UBA6: variants seen among roughly 807,000 people sequenced by gnomAD.
UBA6 encodes the protein ubiquitin like modifier activating enzyme 6.
UBA6 carries 87 observed loss-of-function variants against 148.3 expected under a neutral mutation model. The observed-to-expected ratio is 0.59, with a 90% CI of 0.49 to 0.70. UBA6 has a LOEUF of 0.70. Among genes scored for constraint, UBA6 ranks in the 30% least tolerant of loss-of-function variants. UBA6 has a pLI of 0.00. For missense variants in UBA6, 1,186 were observed against 1,241.2 expected (o/e 0.96, Z 0.67); for synonymous variants, 376 against 401.0 (o/e 0.94, Z 0.75).
intron 22 of UBA6, 143 bp from the exon 23 acceptor site, chr4:67,633,616 CCTT>C (rs1227190328): frequency 1.6e-6 from 1 of 640,870 alleles, no homozygotes; most frequent in Non-Finnish European, 2.4e-6. Context: ...CTTTTCCCTT[CCTT>C]CTTCTTTAAC....
At chr4:67,633,581 G>A (rs1279805047) in intron 22 of UBA6, 108 bp from the exon 23 acceptor site, 2 of 971,670 alleles carry the variant, frequency 2.1e-6, no homozygotes, top group Non-Finnish European at 2.8e-6. Flanking sequence ...TGTGTTTTAT[G>A]CTTTTCTTTT....
intron 19 of UBA6, among the ~76,000 whole-genome samples, chr4:67,637,433 T>A (rs938505298): frequency 6.6e-6 from 1 of 151,366 alleles, no homozygotes; most frequent in Non-Finnish European, 1.5e-5. Context: ...GTCTGGGAGG[T>A]GTACCCAACA....
At chr4:67,691,106 A>G (rs1730683790) in intron 2 of UBA6, among the ~76,000 whole-genome samples, 1 of 152,152 alleles carries the variant, frequency 6.6e-6, no homozygotes, top group South Asian at 2.1e-4. Context: ...TTCAATAAAT[A>G]TACTGAAAAT....
At chr4:67,621,640 TA>T (rs1389284104) in intron 32 of UBA6, among the ~76,000 whole-genome samples, 1 of 151,984 alleles carries the variant, frequency 6.6e-6, no homozygotes, top group African/African-American at 2.4e-5. Flanking sequence ...CCGTCTCTAC[TA>T]AAAATACAAA....
chr4:67,642,513 C>A (rs11131716), intron 17 of UBA6, among the ~76,000 whole-genome samples: 34,856 of 151,914 alleles, frequency 0.23, 4,153 homozygotes, highest in Middle Eastern at 0.3. Flanking sequence ...ACCCTTTACA[C>A]ACTGCCCACA....
In UBA6 at chr4:67,626,477, C is replaced by A; in HGVS notation, c.2401G>T (p.Val801Phe). The A allele has an allele frequency of 6.4e-7, 1 of 1,570,630 alleles. No homozygotes were observed. Among genetic ancestry groups the A allele is most frequent in the South Asian group, 1.1e-5 (1 of 87,518 alleles). ...KIQEFKPSNK[V>F]VQTDETARKP... ...CTTGCAGTTTCATCTGTTTGAACAA[C>A]CTTTGAATATATGAATATATTTTTA... The change falls in exon 28 of 33, where the codon GTT becomes TTT. Residue 801 changes from valine (V) to phenylalanine (F), a missense_variant and splice_region_variant. Physicochemically the swap from Val to Phe is conservative, Grantham distance 50 (BLOSUM62 -1). Transcript: ENST00000322244.
chr4:67,694,284 T>TAAAAAA (rs1560504401), intron 2 of UBA6, among the ~76,000 whole-genome samples: 1 of 129,832 alleles, frequency 7.7e-6, no homozygotes, highest in Non-Finnish European at 1.6e-5. Context: ...ATTCAGTCAC[T>TAAAAAA]ATAAAAAAAA....
chr4:67,650,397 T>C (rs1463075705), intron 13 of UBA6, among the ~76,000 whole-genome samples: 1 of 152,150 alleles, frequency 6.6e-6, no homozygotes, highest in Non-Finnish European at 1.5e-5. Context: ...TTCTCAGCAT[T>C]AGGTTATGCA....
Position 67,663,040 on chromosome 4 carries a change from A to G in UBA6, c.1037+99T>C, listed in dbSNP as rs1452600277. 8 of 757,662 alleles carry G rather than the reference A, an allele frequency of 1.1e-5. No individual in the cohort carries two copies. In the East Asian group the frequency reaches 1.7e-4, roughly 16 times the overall value. 46.9% of individuals were successfully genotyped at this position (757,662 alleles called of 1,614,324 possible). ...TGCACAGCTTGGTATATCTATTGGT[A>G]TTGTAATTACAAAGGGCATAGTTAC... On this transcript the variant is annotated intron_variant, in intron 12 of 32. Transcript: ENST00000322244.
intron 1 of UBA6, among the ~76,000 whole-genome samples, chr4:67,699,557 CCT>C (rs1009752857): frequency 2.2e-5 from 2 of 90,456 alleles, no homozygotes; most frequent in Non-Finnish European, 5.3e-5. Context: ...CACAATATAC[CCT>C]GTTTGGGCAT....
chr4:67,657,389 A>ATGTG (rs1321526227), intron 13 of UBA6, among the ~76,000 whole-genome samples: 3 of 152,142 alleles, frequency 2.0e-5, no homozygotes, highest in Non-Finnish European at 4.4e-5. Flanking sequence ...CACATCTACA[A>ATGTG]CCATCTGATC....
intron 2 of UBA6, among the ~76,000 whole-genome samples, chr4:67,685,827 A>T (rs1730543835): frequency 6.6e-6 from 1 of 152,144 alleles, no homozygotes; most frequent in African/African-American, 2.4e-5. Flanking sequence ...GGGACGATGC[A>T]GTAATAAGCC....
At chr4:67,637,905 C>T (rs1190480553) in intron 19 of UBA6, among the ~76,000 whole-genome samples, 1 of 149,984 alleles carries the variant, frequency 6.7e-6, no homozygotes, top group Admixed American at 6.7e-5. Context: ...GCCAAATCCC[C>T]CTATGCGAGA....
chr4:67,698,052 T>A (rs1028782557), intron 1 of UBA6, among the ~76,000 whole-genome samples: 1 of 152,232 alleles, frequency 6.6e-6, no homozygotes, highest in South Asian at 2.1e-4. Flanking sequence ...CTGACTTGTT[T>A]GCTGTTTCGC....
rs556648769 is a variant in UBA6 at position 67,693,328 on chromosome 4, C to CTG, written c.134+3315_134+3316dup. Among the ~76,000 whole-genome samples the CTG allele has an allele frequency of 2.1e-3, 302 of 142,420 alleles. 2 individuals are homozygous for CTG. The highest frequency in any genetic ancestry group is 6.7e-3 in the African/African-American group (263 of 39,306). The allele number at this position is 142,420 out of a possible 152,430, so 93.4% of individuals were successfully genotyped here. The stretch of plus-strand genomic sequence containing the variant: ...TCTAGCTTACTTTATTCTAAGAATA[C>CTG]TGTGTATATATATATATACAGTATA... On this transcript the variant is annotated intron_variant, in intron 2 of 32. Coordinates refer to ENST00000322244, the MANE Select transcript of UBA6 (RefSeq NM_018227.6).
chr4:67,648,076 C>T (rs1006157415), intron 14 of UBA6, among the ~76,000 whole-genome samples: 6 of 151,538 alleles, frequency 4.0e-5, no homozygotes, highest in East Asian at 1.9e-4. Context: ...CCTGCCTTAA[C>T]GGTCATCTTT....
At chr4:67,663,508 A>G in intron 11 of UBA6, 1 of 350,942 alleles carries the variant, frequency 2.8e-6, no homozygotes. Context: ...TCCATTTTAA[A>G]AAAAAATAGA....
At chr4:67,668,472 T>G in intron 9 of UBA6, 79 bp downstream of exon 9, 1 of 1,355,908 alleles carries the variant, frequency 7.4e-7, no homozygotes, top group Non-Finnish European at 1.0e-6. Context: ...TGAGTTGACA[T>G]TCTGTTCCCA....
At chr4:67,652,717 G>A (rs1041731789) in intron 13 of UBA6, among the ~76,000 whole-genome samples, 9 of 152,188 alleles carry the variant, frequency 5.9e-5, no homozygotes, top group Non-Finnish European at 1.0e-4. Flanking sequence ...GAAGCAGGGC[G>A]GTATGTCACC....
Sources: gnomAD v4.1 joint callset for allele counts (sites outside exome capture counted in the v4.1 genomes callset) on GRCh38, gnomAD v4.1.1 for gene constraint, MANE v1.5 for transcripts, NCBI Gene and HGNC (gene_info 2026-07-23, HGNC 2026-07-21) for gene names.